Variants in GGACT observed in about 807,000 individuals in gnomAD.
GGACT encodes gamma-glutamylaminecyclotransferase.
For missense variants in GGACT, 241 were observed against 233.2 expected (o/e 1.03, Z -0.22); for synonymous variants, 118 against 115.3 (o/e 1.02, Z -0.15).
Position 100,530,310 on chromosome 13 carries a change from T to A in GGACT, c.*1820A>T. ...ATTTATTCCACAGAGTCAAGACCAA[T>A]ATTCTGCCAAAAAATCACCAATGGA... On this transcript the variant is annotated 3_prime_UTR_variant, in exon 3 of 3. Coordinates refer to ENST00000683975, the MANE Select transcript of GGACT (RefSeq NM_001195087.2). 2 of 720,630 alleles carry A rather than the reference T, an allele frequency of 2.8e-6. No homozygotes were observed. The highest frequency in any genetic ancestry group is 2.1e-5 in the Admixed American group (1 of 47,676). 44.6% of individuals were successfully genotyped at this position (720,630 alleles called of 1,614,324 possible).
chr13:100,583,605 A>T (rs1341498869), intron 2 of GGACT, among the ~76,000 whole-genome samples: 4 of 152,110 alleles, frequency 2.6e-5, no homozygotes, highest in Non-Finnish European at 5.9e-5. Context: ...ATCACAGCTC[A>T]CTGCAGCCTC....
At chr13:100,565,565 C>T (rs963801730) in intron 2 of GGACT, among the ~76,000 whole-genome samples, 11 of 152,166 alleles carry the variant, frequency 7.2e-5, no homozygotes, top group African/African-American at 2.7e-4. Flanking sequence ...TGGTTTCTAA[C>T]CACTCAGGTT....
chr13:100,558,440 C>G (rs1442443281), intron 2 of GGACT, among the ~76,000 whole-genome samples: 1 of 152,124 alleles, frequency 6.6e-6, no homozygotes, highest in Non-Finnish European at 1.5e-5. Flanking sequence ...TAGGGAAATG[C>G]AAATAAAAAC....
At chr13:100,539,485 G>A (rs2153012760) in intron 2 of GGACT, 1 of 167,718 alleles carries the variant, frequency 6.0e-6, no homozygotes, top group Non-Finnish European at 1.3e-5. Flanking sequence ...CCTTCATTCT[G>A]TTAATGTAGT....
At chr13:100,580,706 A>G (rs1321029649) in intron 2 of GGACT, among the ~76,000 whole-genome samples, 1 of 152,224 alleles carries the variant, frequency 6.6e-6, no homozygotes. Flanking sequence ...AAGTGATGGA[A>G]GAACTGCCAG....
At chr13:100,539,555 A>T (rs528186327) in intron 2 of GGACT, 75 of 282,126 alleles carry the variant, frequency 2.7e-4, no homozygotes, top group African/African-American at 1.5e-3. Context: ...AATAAATCCC[A>T]CTTGGCCATT....
At chr13:100,538,459 T>C (rs950198007) in intron 2 of GGACT, 1 of 152,266 alleles carries the variant, frequency 6.6e-6, no homozygotes, top group African/African-American at 2.4e-5. Flanking sequence ...ACACATAACA[T>C]AAAATTTATC....
intron 2 of GGACT, among the ~76,000 whole-genome samples, chr13:100,573,721 T>C (rs1056625812): frequency 2.0e-5 from 3 of 151,862 alleles, no homozygotes; most frequent in African/African-American, 7.3e-5. Context: ...AATAAACCCA[T>C]TAAAAATGGG....
At chr13:100,580,302 C>T (rs1875376837) in intron 2 of GGACT, among the ~76,000 whole-genome samples, 1 of 152,050 alleles carries the variant, frequency 6.6e-6, no homozygotes, top group Non-Finnish European at 1.5e-5. Flanking sequence ...TGAGATCATC[C>T]TGGGCAATCT....
intron 2 of GGACT, among the ~76,000 whole-genome samples, chr13:100,559,667 G>C (rs948310093): frequency 6.6e-6 from 1 of 151,156 alleles, no homozygotes; most frequent in Non-Finnish European, 1.5e-5. Flanking sequence ...GCTAATTTTT[G>C]TATTTTTAGT....
At chr13:100,546,324 T>C (rs1392964395) in intron 2 of GGACT, among the ~76,000 whole-genome samples, 1 of 134,472 alleles carries the variant, frequency 7.4e-6, no homozygotes, top group African/African-American at 2.9e-5. Flanking sequence ...ATGGCGCCAC[T>C]GCACTCCAGC....
chr13:100,571,920 T>A (rs1043027589), intron 2 of GGACT, among the ~76,000 whole-genome samples: 6 of 152,176 alleles, frequency 3.9e-5, no homozygotes, highest in Non-Finnish European at 8.8e-5. Context: ...ATATCTTGTA[T>A]CCAATAAGTC....
At position 100,531,476 on chromosome 13, in the gene GGACT, A is replaced by G. The variant is rs1327510163; in HGVS notation, c.*654T>C. On this transcript the variant is annotated 3_prime_UTR_variant, in exon 3 of 3. Transcript: ENST00000683975. ...AAGTGGGTGTTCATTATTTTGCTAG[A>G]TCAGAATGTAAAGAACCTTCTACCA... 6.6e-6 allele frequency: 1 copy of G among 152,236 alleles called. No homozygotes were observed. Among genetic ancestry groups the G allele is most frequent in the Admixed American group, 6.5e-5 (1 of 15,282 alleles). 9.4% of individuals were successfully genotyped at this position (152,236 alleles called of 1,614,324 possible). A position where few individuals can be genotyped will look rare whatever the true frequency, so the allele number is the denominator to read the frequency against.
chr13:100,531,181 C>T lies in GGACT; in HGVS notation c.*949G>A, dbSNP rs1486404135. The stretch of plus-strand genomic sequence containing the variant: ...GGAAGCAGAAGCAAGAGCCGTGCAC[C>T]GAGTTGAATCGATGCTGACAATTAT... On this transcript the variant is annotated 3_prime_UTR_variant, in exon 3 of 3. Coordinates refer to ENST00000683975, the MANE Select transcript of GGACT (RefSeq NM_001195087.2). 1.3e-5 allele frequency: 2 copies of T among 152,184 alleles called. No homozygotes were observed. The highest frequency in any genetic ancestry group is 2.9e-5 in the Non-Finnish European group (2 of 68,050). 9.4% of individuals were successfully genotyped at this position (152,184 alleles called of 1,614,324 possible).
intron 1 of GGACT, among the ~76,000 whole-genome samples, chr13:100,587,324 C>T (rs1448688494): frequency 6.6e-6 from 1 of 152,188 alleles, no homozygotes; most frequent in Non-Finnish European, 1.5e-5. Flanking sequence ...AAACAACCAC[C>T]CTCTCCTAAC....
Position 100,532,397 on chromosome 13 carries a change from G to A in GGACT, c.195C>T (p.Gly65=), listed in dbSNP as rs760496291. ...TCCGCTCGTCTACCGCGTAGACCTC[G>A]CCCTCCACGAGGCGCCCCGAGCCGG... ...HLPGSGRLVE[G]EVYAVDERML... The change falls in exon 3 of 3, where the codon GGC becomes GGT. Residue 65 remains glycine, a synonymous_variant. Coordinates refer to ENST00000683975, the MANE Select transcript of GGACT (RefSeq NM_001195087.2). 3.5e-5 allele frequency: 54 copies of A among 1,550,118 alleles called. No individual in the cohort carries two copies. The highest frequency in any genetic ancestry group is 1.7e-4 in the Middle Eastern group (1 of 6,014).
intron 2 of GGACT, among the ~76,000 whole-genome samples, chr13:100,576,888 A>G (rs1007842213): frequency 6.6e-6 from 1 of 152,222 alleles, no homozygotes; most frequent in East Asian, 1.9e-4. Context: ...AGCTATTCAC[A>G]TTGTACAAAC....
intron 2 of GGACT, among the ~76,000 whole-genome samples, chr13:100,560,985 T>C (rs1472719067): frequency 6.6e-6 from 1 of 152,172 alleles, no homozygotes. Flanking sequence ...TGGTGGGCTG[T>C]CATTTCATCA....
intron 2 of GGACT, among the ~76,000 whole-genome samples, chr13:100,568,420 A>C (rs895329788): frequency 5.3e-5 from 8 of 152,270 alleles, no homozygotes; most frequent in African/African-American, 1.2e-4. Flanking sequence ...AAGGAGAAGA[A>C]TGAGTGCCCA....
Sources: gnomAD v4.1 joint callset for allele counts (sites outside exome capture counted in the v4.1 genomes callset) on GRCh38, gnomAD v4.1.1 for gene constraint, MANE v1.5 for transcripts, NCBI Gene and HGNC (gene_info 2026-07-23, HGNC 2026-07-21) for gene names.